ACTN1: variants seen among roughly 807,000 people sequenced by gnomAD.
The protein encoded by ACTN1 is actinin alpha 1.
A neutral mutation model predicts 119.6 loss-of-function variants in ACTN1; 30 were observed. That is an observed-to-expected ratio of 0.25 (90% CI 0.19 to 0.34). The LOEUF (loss-of-function observed/expected upper bound fraction) is 0.34, where lower values mean the gene tolerates loss of function less well. Ranked by LOEUF, ACTN1 falls within the 10% of genes least tolerant of loss-of-function variation. The pLI is 1.00. For missense variants in ACTN1, 764 were observed against 1,223.4 expected, an observed-to-expected ratio of 0.62 and a Z score of 5.60; for synonymous variants, 429 against 472.6, an observed-to-expected ratio of 0.91 and a Z score of 1.20.
At position 68,909,806 on chromosome 14, in the gene ACTN1, G is replaced by A. The variant is rs1242353928; in HGVS notation, c.515+149C>T. 3.0e-6 allele frequency: 2 copies of A among 657,822 alleles called. No individual in the cohort carries two copies. The highest frequency in any genetic ancestry group is 5.3e-6 in the Non-Finnish European group (2 of 375,714). 40.7% of individuals were successfully genotyped at this position (657,822 alleles called of 1,614,324 possible). A position where few individuals can be genotyped will look rare whatever the true frequency, so the allele number is the denominator to read the frequency against. On this transcript the variant is annotated intron_variant, in intron 5 of 21. Coordinates refer to ENST00000394419, the MANE Select transcript of ACTN1 (RefSeq NM_001130004.2). The surrounding 1 kb of genome is among the most constrained non-coding windows in gnomAD (Gnocchi z 4.1). ...GAGAGACGGGGGGATTCAGAGCGAT[G>A]GCGACATCCCCTTCCCAAGGAAAGC...
At chr14:68,954,007 A>C (rs1476121261) in intron 1 of ACTN1, among the ~76,000 whole-genome samples, 4 of 152,166 alleles carry the variant, frequency 2.6e-5, no homozygotes, top group Non-Finnish European at 5.9e-5. Flanking sequence ...AAAATAATGA[A>C]TCCTCTAGCC....
chr14:68,882,399 G>A lies in ACTN1; in HGVS notation c.1953+59C>T. The A allele has an allele frequency of 1.3e-6, 2 of 1,576,214 alleles. No individual in the cohort carries two copies. Among genetic ancestry groups the A allele is most frequent in the Non-Finnish European group, 1.7e-6 (2 of 1,157,824 alleles). ...GGGAGACAGGCAGCCTGGCTGGCTA[G>A]GATAGTGTCGGGGGGGAGGGGTGGG... On this transcript the variant is annotated intron_variant, in intron 16 of 21. Transcript: ENST00000394419. The surrounding 1 kb of genome is among the most constrained non-coding windows in gnomAD (Gnocchi z 4.5).
chr14:68,882,412 G>A lies in ACTN1; in HGVS notation c.1953+46C>T, dbSNP rs1462751916. On this transcript the variant is annotated intron_variant, in intron 16 of 21. Coordinates refer to ENST00000394419, the MANE Select transcript of ACTN1 (RefSeq NM_001130004.2). The surrounding 1 kb of genome is among the most constrained non-coding windows in gnomAD (Gnocchi z 4.5). Reference sequence around the variant, plus strand: ...CCTGGCTGGCTAGGATAGTGTCGGGGGGGAGGGGTGGGAGCCCCAGCACTG... The same window carrying A: ...CCTGGCTGGCTAGGATAGTGTCGGGAGGGAGGGGTGGGAGCCCCAGCACTG... 1 of 1,604,242 alleles carries A rather than the reference G, an allele frequency of 6.2e-7. No individual in the cohort carries two copies. Among genetic ancestry groups the A allele is most frequent in the Non-Finnish European group, 8.5e-7 (1 of 1,174,318 alleles).
At chr14:68,971,098 A>G (rs1040673112) in intron 1 of ACTN1, among the ~76,000 whole-genome samples, 1 of 152,152 alleles carries the variant, frequency 6.6e-6, no homozygotes, top group African/African-American at 2.4e-5. Flanking sequence ...CTTAATAGCA[A>G]AGAGTGTGTC....
At chr14:68,888,017 C>T (rs1160482399) in intron 11 of ACTN1, 10 of 744,066 alleles carry the variant, frequency 1.3e-5, no homozygotes, top group Middle Eastern at 2.4e-4. Context: ...AACTGACAAC[C>T]GCGCCGATCT....
intron 1 of ACTN1, among the ~76,000 whole-genome samples, chr14:68,944,574 C>T (rs565912640): frequency 2.0e-5 from 3 of 152,216 alleles, no homozygotes; most frequent in Admixed American, 6.5e-5. Context: ...TTTATCAATG[C>T]GTGTATTTTT....
At chr14:68,918,385 T>C (rs968183656) in intron 3 of ACTN1, among the ~76,000 whole-genome samples, 2 of 151,106 alleles carry the variant, frequency 1.3e-5, no homozygotes, top group African/African-American at 2.4e-5. Context: ...ATCGAGACCA[T>C]CCTGGTTAAC....
chr14:68,920,614 G>T (rs899479968), intron 3 of ACTN1, among the ~76,000 whole-genome samples: 1 of 152,120 alleles, frequency 6.6e-6, no homozygotes, highest in Non-Finnish European at 1.5e-5. Flanking sequence ...GGGGAGTCTC[G>T]GGGCAGCCTC....
At chr14:68,932,954 G>A (rs561496758) in intron 1 of ACTN1, among the ~76,000 whole-genome samples, 1 of 152,168 alleles carries the variant, frequency 6.6e-6, no homozygotes, top group South Asian at 2.1e-4. Flanking sequence ...CAGCTAATAC[G>A]TATTGACCAT....
chr14:68,880,971 T>C lies in ACTN1; in HGVS notation c.1972A>G (p.Ile658Val), dbSNP rs753782840. Reference protein sequence around the residue: ...TKMEEIGRISIEMHGTLEDQL... With the variant: ...TKMEEIGRISVEMHGTLEDQL... ...TCCTCCAGGGTCCCATGCATCTCAA[T>C]GGAGATCCTCCCGATCTCCTGCTCA... Residue 658 changes from isoleucine (I) to valine (V), a missense_variant, in exon 17 of 22, where the codon ATT becomes GTT. By Grantham distance (29) the Ile-to-Val change is conservative (BLOSUM62 3). Transcript: ENST00000394419. This position sits in a 1 kb window ranked among gnomAD's most constrained non-coding sequence, Gnocchi z 4.6. The C allele has an allele frequency of 5.6e-6, 9 of 1,614,120 alleles. No homozygotes were observed. The highest frequency in any genetic ancestry group is 2.2e-5 in the East Asian group (1 of 44,876).
intron 13 of ACTN1, 49 bp downstream of exon 13, chr14:68,884,725 AC>A (rs1645296282): frequency 6.8e-7 from 1 of 1,472,004 alleles, no homozygotes; most frequent in Admixed American, 1.7e-5. Context: ...AGGAAGGGGC[AC>A]CACAGGGCTG....
chr14:68,962,151 G>C (rs2036561248), intron 1 of ACTN1, among the ~76,000 whole-genome samples: 1 of 152,140 alleles, frequency 6.6e-6, no homozygotes, highest in African/African-American at 2.4e-5. Flanking sequence ...ATGCCAGAAT[G>C]GCTGGCAGCT....
intron 1 of ACTN1, among the ~76,000 whole-genome samples, chr14:68,965,085 A>G (rs1227740018): frequency 6.6e-6 from 1 of 152,226 alleles, no homozygotes; most frequent in Non-Finnish European, 1.5e-5. Context: ...GCCCACCTGC[A>G]AGGATAACTT....
chr14:68,966,334 G>A (rs1462494130), intron 1 of ACTN1, among the ~76,000 whole-genome samples: 1 of 152,156 alleles, frequency 6.6e-6, no homozygotes, highest in African/African-American at 2.4e-5. Context: ...GAGATCATCT[G>A]CATGTGATAA....
intron 1 of ACTN1, among the ~76,000 whole-genome samples, chr14:68,937,444 G>A (rs959450317): frequency 6.6e-6 from 1 of 152,082 alleles, no homozygotes; most frequent in Non-Finnish European, 1.5e-5. Flanking sequence ...TTAAAAGAAT[G>A]AGTTTGAGAA....
chr14:68,950,690 T>C (rs1461042086), intron 1 of ACTN1, among the ~76,000 whole-genome samples: 2 of 151,696 alleles, frequency 1.3e-5, no homozygotes, highest in Non-Finnish European at 2.9e-5. Context: ...GCCTCCCAAG[T>C]AGCTGGGACT....
intron 6 of ACTN1, among the ~76,000 whole-genome samples, chr14:68,906,247 T>C (rs2033663362): frequency 6.6e-6 from 1 of 152,182 alleles, no homozygotes; most frequent in South Asian, 2.1e-4. Flanking sequence ...TTGTTTTGTA[T>C]ATTGTACCAG....
chr14:68,970,901 C>T (rs1431389223), intron 1 of ACTN1, among the ~76,000 whole-genome samples: 1 of 152,228 alleles, frequency 6.6e-6, no homozygotes, highest in African/African-American at 2.4e-5. Flanking sequence ...CTGGTAAAGT[C>T]GCTTAACCTT....
chr14:68,944,525 C>G (rs1478849266), intron 1 of ACTN1, among the ~76,000 whole-genome samples: 4 of 152,186 alleles, frequency 2.6e-5, no homozygotes, highest in African/African-American at 7.2e-5. Context: ...AGTCATGGAG[C>G]CTGCAGTCTA....
Sources: gnomAD v4.1 joint callset for allele counts (sites outside exome capture counted in the v4.1 genomes callset) on GRCh38, gnomAD v4.1.1 for gene constraint, Gnocchi (gnomAD v3.1) non-coding constraint, MANE v1.5 for transcripts, NCBI Gene and HGNC (gene_info 2026-07-23, HGNC 2026-07-21) for gene names.